The following GPC6 variants were observed in gnomAD, a reference collection of about 807,000 sequenced individuals.
The protein encoded by GPC6 is glypican 6, also known as glypican-6.
Under a neutral mutation model 55.2 loss-of-function variants are expected in GPC6, and 14 were observed. The ratio of observed to expected loss-of-function variants is 0.25; its 90% CI spans 0.17 to 0.40. The LOEUF (loss-of-function observed/expected upper bound fraction) is 0.40. Among genes scored for constraint, GPC6 ranks in the 10% least tolerant of loss-of-function variants. The pLI is 1.00. For missense variants in GPC6, 641 were observed against 708.5 expected (o/e 0.90, Z 1.08); for synonymous variants, 278 against 259.6 (o/e 1.07, Z -0.68).
chr13:93,538,768 T>C (rs190216896), intron 1 of GPC6, among the ~76,000 whole-genome samples: 22 of 152,322 alleles, frequency 1.4e-4, no homozygotes, highest in Non-Finnish European at 8.8e-5. Context: ...TATTGGGTAC[T>C]CTACTGATGA....
rs553458100 is a variant in GPC6 at position 93,816,525 on chromosome 13, C to A, written c.320-13629C>A. Among the ~76,000 whole-genome samples, 5 of 144,314 alleles carry A rather than the reference C, an allele frequency of 3.5e-5. No homozygotes were observed. The South Asian group carries it at 1.1e-3, about 32-fold the overall frequency. 94.7% of individuals were successfully genotyped at this position (144,314 alleles called of 152,430 possible). On this transcript the variant is annotated intron_variant, in intron 2 of 8. Coordinates refer to ENST00000377047, the MANE Select transcript of GPC6 (RefSeq NM_005708.5). ...TTGTTTACCTTCTGCCCTCTTTATG[C>A]TTTTTTTTTTTTCAGCTTGATTCTT...
chr13:94,186,896 T>C (rs1889211177), intron 4 of GPC6: 1 of 152,268 alleles, frequency 6.6e-6, no homozygotes, highest in Admixed American at 6.5e-5. Context: ...TTCTGTAGTA[T>C]GGAACTTACG....
At chr13:94,268,002 T>C (rs959390) in intron 4 of GPC6, among the ~76,000 whole-genome samples, 32,312 of 152,122 alleles carry the variant, frequency 0.21, 3,768 homozygotes, top group Non-Finnish European at 0.25. Context: ...CAGCTAACAG[T>C]GGAGAGGCTA....
At chr13:93,865,202 T>G (rs540553624) in intron 3 of GPC6, among the ~76,000 whole-genome samples, 2 of 151,716 alleles carry the variant, frequency 1.3e-5, no homozygotes, top group Admixed American at 1.3e-4. Flanking sequence ...TCCTCTCCAG[T>G]TGGAAGATAA....
At chr13:93,647,389 G>A (rs1342547495) in intron 2 of GPC6, among the ~76,000 whole-genome samples, 2 of 152,064 alleles carry the variant, frequency 1.3e-5, no homozygotes, top group Non-Finnish European at 2.9e-5. Context: ...TGCTTATAAG[G>A]GAGAAAAGAT....
chr13:93,227,960 C>T lies in GPC6; in HGVS notation c.160+344C>T, dbSNP rs910396419. On this transcript the variant is annotated intron_variant, in intron 1 of 8. Transcript: ENST00000377047. This position sits in a 1 kb window ranked among gnomAD's most constrained non-coding sequence, Gnocchi z 4.3. Reference sequence around the variant, plus strand: ...CGGCTGCAAGGCGCAGACGGAGAGCCGAGCCGGGCGCTCACTCCGCGTTCT... The same window carrying T: ...CGGCTGCAAGGCGCAGACGGAGAGCTGAGCCGGGCGCTCACTCCGCGTTCT... Among the ~76,000 whole-genome samples, 1 of 152,156 alleles carries T rather than the reference C, an allele frequency of 6.6e-6. No homozygotes were observed. The highest frequency in any genetic ancestry group is 1.5e-5 in the Non-Finnish European group (1 of 68,032).
chr13:94,332,141 A>T (rs1566684885), intron 6 of GPC6, among the ~76,000 whole-genome samples: 1 of 152,174 alleles, frequency 6.6e-6, no homozygotes, highest in Non-Finnish European at 1.5e-5. Context: ...CTATTACCCG[A>T]TATTCAAAAA....
chr13:94,144,850 A>G (rs1235299000), intron 4 of GPC6, among the ~76,000 whole-genome samples: 1 of 152,150 alleles, frequency 6.6e-6, no homozygotes, highest in African/African-American at 2.4e-5. Context: ...AGAGCATTAG[A>G]ATACCTGCTT....
At chr13:93,343,569 T>G (rs1161078198) in intron 1 of GPC6, among the ~76,000 whole-genome samples, 1 of 152,198 alleles carries the variant, frequency 6.6e-6, no homozygotes, top group Non-Finnish European at 1.5e-5. Context: ...TGCATTTATT[T>G]CCCCTTTTGC....
At position 94,189,931 on chromosome 13, in the gene GPC6, G is replaced by A. The variant is rs570723716; in HGVS notation, c.878-96418G>A. On this transcript the variant is annotated intron_variant, in intron 4 of 8. Coordinates refer to ENST00000377047, the MANE Select transcript of GPC6 (RefSeq NM_005708.5). ...AGCTACTCAGGAGGCTGAGGCAGGA[G>A]AATCGCTTGAAACTGGGAGGCGGAG... Among the ~76,000 whole-genome samples, 9 of 149,380 alleles carry A rather than the reference G, an allele frequency of 6.0e-5. No individual in the cohort carries two copies. In the South Asian group the frequency reaches 1.3e-3, roughly 21 times the overall value.
intron 1 of GPC6, among the ~76,000 whole-genome samples, chr13:93,490,515 T>TC (rs573481271): frequency 1.6e-4 from 5 of 31,656 alleles, no homozygotes; most frequent in African/African-American, 4.8e-4. Flanking sequence ...TTTTTTTGAG[T>TC]TTTTTTTTTT....
At chr13:93,787,382 G>C (rs1249865587) in intron 2 of GPC6, among the ~76,000 whole-genome samples, 1 of 152,152 alleles carries the variant, frequency 6.6e-6, no homozygotes, top group Non-Finnish European at 1.5e-5. Flanking sequence ...ATGTGCACAG[G>C]AATGTGTGAA....
chr13:94,087,987 C>T (rs1167868249), intron 4 of GPC6, among the ~76,000 whole-genome samples: 1 of 152,132 alleles, frequency 6.6e-6, no homozygotes, highest in African/African-American at 2.4e-5. Context: ...GGCTTTTGAA[C>T]CTTTTAAAAC....
intron 4 of GPC6, among the ~76,000 whole-genome samples, chr13:94,267,546 A>T (rs1432619682): frequency 2.0e-5 from 3 of 152,188 alleles, no homozygotes; most frequent in African/African-American, 4.8e-5. Context: ...GTCTAGTGTC[A>T]GTATAGTTGT....
At chr13:93,659,252 G>T (rs1471794634) in intron 2 of GPC6, among the ~76,000 whole-genome samples, 1 of 151,830 alleles carries the variant, frequency 6.6e-6, no homozygotes, top group Non-Finnish European at 1.5e-5. Context: ...TTCCCTAAGG[G>T]TATGTTATTT....
At chr13:94,194,118 A>T (rs1889486760) in intron 4 of GPC6, among the ~76,000 whole-genome samples, 2 of 152,220 alleles carry the variant, frequency 1.3e-5, no homozygotes, top group South Asian at 4.1e-4. Context: ...TTGCAGATAC[A>T]GTTATATAGA....
chr13:93,221,478 A>C, the GPC6 span, among the ~76,000 whole-genome samples: 1 of 152,138 alleles, frequency 6.6e-6, no homozygotes, highest in African/African-American at 2.4e-5. Context: ...CTGCTGCCCC[A>C]TGGTGTTTGG....
intron 6 of GPC6, among the ~76,000 whole-genome samples, chr13:94,354,369 A>G (rs7327868): frequency 0.27 from 40,477 of 151,932 alleles, 5,743 homozygotes; most frequent in African/African-American, 0.36. Context: ...ACAAGATACC[A>G]TTCTTTCCCA....
intron 1 of GPC6, among the ~76,000 whole-genome samples, chr13:93,524,680 T>G (rs1184539165): frequency 2.6e-5 from 4 of 152,126 alleles, no homozygotes; most frequent in Non-Finnish European, 2.9e-5. Flanking sequence ...AAAGGTTATT[T>G]TAGAGAAAGA....
Sources: allele counts gnomAD v4.1 joint callset (sites outside exome capture counted in the v4.1 genomes callset), GRCh38; gene constraint gnomAD v4.1.1; non-coding constraint Gnocchi (gnomAD v3.1); transcripts MANE v1.5; gene names NCBI Gene and HGNC (gene_info 2026-07-23, HGNC 2026-07-21).